Variants in TAOK3 observed in about 807,000 individuals in gnomAD.
TAOK3 encodes serine/threonine-protein kinase TAO3.
In TAOK3, 40 loss-of-function variants were observed where a neutral mutation model predicts 120.4. The ratio of observed to expected loss-of-function variants is 0.33; its 90% confidence interval spans 0.26 to 0.43. TAOK3 has a LOEUF of 0.43. Among genes scored for constraint, TAOK3 ranks in the 20% least tolerant of loss-of-function variants. The probability of loss-of-function intolerance (pLI) is 1.00; values close to 1 mark genes in which losing one functional copy is unlikely to be tolerated. For missense variants in TAOK3, 821 were observed against 1,112.1 expected (o/e 0.74, Z 3.72); for synonymous variants, 355 against 387.5 (o/e 0.92, Z 0.99).
intron 1 of TAOK3, among the ~76,000 whole-genome samples, chr12:118,327,319 A>T (rs985093262): frequency 6.6e-6 from 1 of 152,244 alleles, no homozygotes; most frequent in Non-Finnish European, 1.5e-5. Flanking sequence ...ACAGATGAAG[A>T]AGCTGAAGTT....
intron 16 of TAOK3, among the ~76,000 whole-genome samples, chr12:118,173,998 A>T (rs1433235958): frequency 1.3e-5 from 2 of 152,214 alleles, no homozygotes; most frequent in African/African-American, 4.8e-5. Context: ...TTGTTTTCAG[A>T]GTAAGCTGGA....
intron 11 of TAOK3, among the ~76,000 whole-genome samples, chr12:118,202,773 C>CTTTTTTTTTTTTTTTTT (rs58282262): frequency 9.9e-6 from 1 of 100,636 alleles, no homozygotes. Flanking sequence ...ATAGTCTATT[C>CTTTTTTTTTTTTTTTTT]TTTTTTTTTT....
At chr12:118,286,043 G>C (rs1237967183) in intron 1 of TAOK3, among the ~76,000 whole-genome samples, 1 of 152,204 alleles carries the variant, frequency 6.6e-6, no homozygotes, top group African/African-American at 2.4e-5. Context: ...ATTTACCTCA[G>C]TGAGCAGAGG....
chr12:118,159,909 A>G (rs1044161696), intron 19 of TAOK3: 3 of 558,668 alleles, frequency 5.4e-6, no homozygotes, highest in Non-Finnish European at 9.6e-6. Context: ...CAAAGTCCCT[A>G]TGTGCCACAG....
chr12:118,291,821 A>C (rs1281434112), intron 1 of TAOK3, among the ~76,000 whole-genome samples: 1 of 151,936 alleles, frequency 6.6e-6, no homozygotes, highest in Non-Finnish European at 1.5e-5. Context: ...AATGAAAAAA[A>C]ATTTTTTTTT....
chr12:118,198,209 T>G (rs2037830876), intron 13 of TAOK3, among the ~76,000 whole-genome samples: 1 of 152,020 alleles, frequency 6.6e-6, no homozygotes, highest in Non-Finnish European at 1.5e-5. Context: ...GCTCTCTCTG[T>G]CTCAGTGCTC....
At chr12:118,362,363 C>A (rs1032775053) in intron 1 of TAOK3, among the ~76,000 whole-genome samples, 1 of 142,916 alleles carries the variant, frequency 7.0e-6, no homozygotes, top group East Asian at 2.2e-4. Flanking sequence ...TCACATAAAT[C>A]TCACAATGTT....
At position 118,213,009 on chromosome 12, in the gene TAOK3, T is replaced by C. The variant is rs1367189079; in HGVS notation, c.738-14A>G. On this transcript the variant is annotated splice_polypyrimidine_tract_variant and intron_variant, in intron 10 of 20. Transcript: ENST00000392533. ...AAGGAGTCTGTCCTGTGTGTGCAAA[T>C]ACACAAAAGAAAATAAACTCAGGGT... The C allele has an allele frequency of 6.5e-6, 10 of 1,549,358 alleles. No homozygotes were observed. Among genetic ancestry groups the C allele is most frequent in the Admixed American group, 2.0e-5 (1 of 49,924 alleles).
intron 1 of TAOK3, among the ~76,000 whole-genome samples, chr12:118,334,137 CAAAAA>C (rs57605394): frequency 5.2e-5 from 4 of 77,638 alleles, no homozygotes; most frequent in African/African-American, 1.2e-4. Context: ...CTCCCATCTC[CAAAAA>C]AAAAAAAAAA....
intron 13 of TAOK3, among the ~76,000 whole-genome samples, chr12:118,197,330 T>C (rs1444704480): frequency 6.6e-6 from 1 of 152,206 alleles, no homozygotes; most frequent in Non-Finnish European, 1.5e-5. Context: ...GCAATTATCT[T>C]CTACTTCAGA....
chr12:118,302,091 A>T (rs1188370008), intron 1 of TAOK3, among the ~76,000 whole-genome samples: 1 of 152,040 alleles, frequency 6.6e-6, no homozygotes, highest in Non-Finnish European at 1.5e-5. Flanking sequence ...TTTTTTTGTC[A>T]TTCTCTGTCC....
intron 1 of TAOK3, among the ~76,000 whole-genome samples, chr12:118,352,035 G>A (rs996525747): frequency 6.6e-6 from 1 of 151,330 alleles, no homozygotes; most frequent in Non-Finnish European, 1.5e-5. Context: ...CACCGCGCCT[G>A]GCTAATTTTT....
At chr12:118,317,488 C>T (rs958328582) in intron 1 of TAOK3, among the ~76,000 whole-genome samples, 48 of 151,798 alleles carry the variant, frequency 3.2e-4, no homozygotes, top group Non-Finnish European at 4.7e-4. Context: ...TTAGTAGAGA[C>T]GGGTTTCACC....
chr12:118,206,169 C>T (rs1450240664), intron 11 of TAOK3, among the ~76,000 whole-genome samples: 8 of 152,212 alleles, frequency 5.3e-5, no homozygotes, highest in Non-Finnish European at 1.2e-4. Context: ...GGCAATGTAG[C>T]AGCCATTTTA....
At chr12:118,242,254 A>G (rs535005664) in intron 5 of TAOK3, among the ~76,000 whole-genome samples, 12 of 152,276 alleles carry the variant, frequency 7.9e-5, no homozygotes, top group African/African-American at 2.6e-4. Flanking sequence ...CAGAGAACTG[A>G]TTTCTAGACA....
intron 17 of TAOK3, 51 bp from the exon 18 acceptor site, chr12:118,162,078 G>A (rs2035257602): frequency 1.3e-6 from 2 of 1,596,672 alleles, no homozygotes; most frequent in Non-Finnish European, 1.7e-6. Context: ...GAGATGAACT[G>A]GAAGGAATGC....
intron 9 of TAOK3, among the ~76,000 whole-genome samples, chr12:118,230,118 G>A (rs1159228436): frequency 6.6e-6 from 1 of 152,044 alleles, no homozygotes; most frequent in Non-Finnish European, 1.5e-5. Flanking sequence ...TTTACTTTTG[G>A]GCATTTAACC....
In TAOK3 at chr12:118,212,898, A is replaced by G. The variant is rs1227549468; in HGVS notation, c.819+16T>C. The stretch of plus-strand genomic sequence containing the variant: ...ACTTTAAATCCCCCTCCTCAAATAT[A>G]AATTTGAAAAATTACCCTTAATAGT... On this transcript the variant is annotated intron_variant, in intron 11 of 20. Coordinates refer to ENST00000392533, the MANE Select transcript of TAOK3 (RefSeq NM_016281.4). The G allele has an allele frequency of 6.4e-7, 1 of 1,568,950 alleles. No homozygotes were observed. Among genetic ancestry groups the G allele is most frequent in the African/African-American group, 1.4e-5 (1 of 73,590 alleles).
At chr12:118,286,481 A>T (rs1260092657) in intron 1 of TAOK3, among the ~76,000 whole-genome samples, 2 of 152,134 alleles carry the variant, frequency 1.3e-5, no homozygotes, top group East Asian at 3.9e-4. Flanking sequence ...AATGCTCAAC[A>T]TCACTAATGA....
Sources: allele counts gnomAD v4.1 joint callset (sites outside exome capture counted in the v4.1 genomes callset), GRCh38; gene constraint gnomAD v4.1.1; transcripts MANE v1.5; gene names NCBI Gene and HGNC (gene_info 2026-07-23, HGNC 2026-07-21).